NPIPB4: variants seen among roughly 807,000 people sequenced by gnomAD.
The protein encoded by NPIPB4 is nuclear pore complex interacting protein family member B4.
For synonymous variants in NPIPB4, 31 were observed against 194.1 expected (o/e 0.16, Z 6.99); for missense variants, 105 against 513.7 (o/e 0.20, Z 7.69).
intron 2 of NPIPB4, among the ~76,000 whole-genome samples, chr16:21,852,384 TTG>T (rs1902613288): frequency 2.4e-5 from 1 of 41,910 alleles, no homozygotes; most frequent in East Asian, 5.9e-4. Flanking sequence ...TGGCACAAGG[TTG>T]TGTGATCTCA....
rs1200016750 is a variant in NPIPB4, at chr16:21,835,886, C to G, written c.2501G>C (p.Arg834Pro). 3 of 1,030,426 alleles carry G rather than the reference C, an allele frequency of 2.9e-6. No homozygotes were observed. Among genetic ancestry groups the G allele is most frequent in the East Asian group, 3.0e-5 (1 of 33,442 alleles). The allele number at this position is 1,030,426 out of a possible 1,614,324, so 63.8% of individuals were successfully genotyped here. Residue 834 changes from arginine to proline, a missense_variant, in exon 8 of 8, where the codon CGG (arginine) becomes CCG (proline). Physicochemically the swap from Arg to Pro is moderately radical, Grantham distance 103. Transcript: ENST00000682606. ...HLPSVCGERL[R>P]GPLPPSADDN... is the part of the protein sequence containing the mutation. ...ATCCGCTGAGGGTGGAAGCGGCCCCCGCAGACGCTCCCCGCAGACGCTCGG... is the reference window on the plus strand; with the variant it reads ...ATCCGCTGAGGGTGGAAGCGGCCCCGGCAGACGCTCCCCGCAGACGCTCGG...
At chr16:21,850,503 G>C (rs897094841) in intron 2 of NPIPB4, among the ~76,000 whole-genome samples, 1 of 151,788 alleles carries the variant, frequency 6.6e-6, no homozygotes, top group African/African-American at 2.4e-5. Flanking sequence ...ACAAAAATTA[G>C]CCAGGCGTGG....
chr16:21,841,916 G>A lies in NPIPB4; in HGVS notation c.545+1470C>T, dbSNP rs372067253. Among the ~76,000 whole-genome samples the A allele has an allele frequency of 6.6e-5, 10 of 150,718 alleles. No homozygotes were observed. The South Asian group carries it at 1.1e-3, about 17-fold the overall frequency. ...ATGAAAGCGACCCATACTGAAGTCCGCTGGCTCTGGTTGAGACCCAGAAGA... is the reference window on the plus strand; with the variant it reads ...ATGAAAGCGACCCATACTGAAGTCCACTGGCTCTGGTTGAGACCCAGAAGA... On this transcript the variant is annotated intron_variant, in intron 5 of 7. Coordinates refer to ENST00000682606, the MANE Select transcript of NPIPB4 (RefSeq NM_001384980.1).
intron 2 of NPIPB4, among the ~76,000 whole-genome samples, chr16:21,848,187 G>GC (rs1902233689): frequency 7.1e-6 from 1 of 141,462 alleles, no homozygotes; most frequent in Non-Finnish European, 1.5e-5. Flanking sequence ...ACCGTGCCCA[G>GC]CCATTTTTTT....
Position 21,850,036 on chromosome 16 carries a change from C to T in NPIPB4, c.121-2495G>A, listed in dbSNP as rs1369321142. On this transcript the variant is annotated intron_variant, in intron 2 of 7. Coordinates refer to ENST00000682606, the MANE Select transcript of NPIPB4 (RefSeq NM_001384980.1). Reference sequence around the variant, plus strand: ...CAACGCTTTGGGAGGCCGAGGCGGGCGGATCACCTGAGGTCGGGAGTTCAA... The same window carrying T: ...CAACGCTTTGGGAGGCCGAGGCGGGTGGATCACCTGAGGTCGGGAGTTCAA... Among the ~76,000 whole-genome samples the T allele has an allele frequency of 1.0e-4, 7 of 67,826 alleles. No individual in the cohort carries two copies. The East Asian group carries it at 1.4e-3, about 14-fold the overall frequency. The allele number at this position is 67,826 out of a possible 152,430, so 44.5% of individuals were successfully genotyped here. A position where few individuals can be genotyped will look rare whatever the true frequency, so the allele number is the denominator to read the frequency against.
At chr16:21,841,976 C>T (rs1901832703) in intron 5 of NPIPB4, among the ~76,000 whole-genome samples, 1 of 151,632 alleles carries the variant, frequency 6.6e-6, no homozygotes. Flanking sequence ...CAGGAAATAC[C>T]CTGGCCTTTG....
chr16:21,835,901 C>G lies in NPIPB4; in HGVS notation c.2486G>C (p.Cys829Ser). The change falls in exon 8 of 8, where the codon TGC becomes TCC. Residue 829 changes from cysteine (C) to serine (S), a missense_variant. Coordinates refer to ENST00000682606, the MANE Select transcript of NPIPB4 (RefSeq NM_001384980.1). ...MIISRHLPSV[C>S]GERLRGPLPP... is the part of the protein sequence containing the mutation. ...AAGCGGCCCCCGCAGACGCTCCCCG[C>G]AGACGCTCGGCAGGTGTCTTGATAT... is the stretch of plus-strand genomic sequence containing the variant. 1 of 1,249,240 alleles carries G rather than the reference C, an allele frequency of 8.0e-7. No individual in the cohort carries two copies. The highest frequency in any genetic ancestry group is 1.0e-6 in the Non-Finnish European group (1 of 952,528). The allele number at this position is 1,249,240 out of a possible 1,614,324, so 77.4% of individuals were successfully genotyped here.
Position 21,845,942 on chromosome 16 carries a change from G to A in NPIPB4, c.249+1471C>T, listed in dbSNP as rs1313675993. Among the ~76,000 whole-genome samples, 4 of 139,660 alleles carry A rather than the reference G, an allele frequency of 2.9e-5. 1 individual carries two copies. The highest frequency in any genetic ancestry group is 6.1e-5 in the Non-Finnish European group (4 of 65,774). 91.6% of individuals were successfully genotyped at this position (139,660 alleles called of 152,430 possible). ...TGTAATCCCAGCACTTTGGGAGGCTGAGGTTGGTGGATCATTTGAGGTCGG... is the reference window on the plus strand; with the variant it reads ...TGTAATCCCAGCACTTTGGGAGGCTAAGGTTGGTGGATCATTTGAGGTCGG... On this transcript the variant is annotated intron_variant, in intron 3 of 7. Coordinates refer to ENST00000682606, the MANE Select transcript of NPIPB4 (RefSeq NM_001384980.1).
rs1305760188 is a variant in NPIPB4 at position 21,835,921 on chromosome 16, T to G, written c.2466A>C (p.Ser822=). ...CCCCGCAGACGCTCGGCAGGTGTCTTGATATTATCATCTGCTGAGGGTGGA... is the reference window on the plus strand; with the variant it reads ...CCCCGCAGACGCTCGGCAGGTGTCTGGATATTATCATCTGCTGAGGGTGGA... The part of the protein sequence containing the change: ...TQLHPQQMII[S]RHLPSVCGER... The change falls in exon 8 of 8, where the codon TCA becomes TCC. Residue 822 remains serine, a synonymous_variant. Coordinates refer to ENST00000682606, the MANE Select transcript of NPIPB4 (RefSeq NM_001384980.1). The G allele has an allele frequency of 8.3e-7, 1 of 1,205,298 alleles. No individual in the cohort carries two copies. The highest frequency in any genetic ancestry group is 1.3e-5 in the South Asian group (1 of 74,490). The allele number at this position is 1,205,298 out of a possible 1,614,324, so 74.7% of individuals were successfully genotyped here. A position where few individuals can be genotyped will look rare whatever the true frequency, so the allele number is the denominator to read the frequency against.
At chr16:21,842,205 CTG>C (rs1256392153) in intron 5 of NPIPB4, among the ~76,000 whole-genome samples, 1 of 105,604 alleles carries the variant, frequency 9.5e-6, no homozygotes, top group Admixed American at 1.0e-4. Context: ...ACATGAAAGA[CTG>C]TGAAAATGAA....
chr16:21,850,758 TAAAAAC>T (rs1902458582), intron 2 of NPIPB4, among the ~76,000 whole-genome samples: 3 of 83,258 alleles, frequency 3.6e-5, no homozygotes, highest in Non-Finnish European at 6.8e-5. Context: ...TTTTCTTTGT[TAAAAAC>T]AAGAGTGCAG....
chr16:21,847,730 AGT>A (rs1902190583), intron 2 of NPIPB4, among the ~76,000 whole-genome samples, 189 bp from the exon 3 acceptor site: 1 of 66,860 alleles, frequency 1.5e-5, no homozygotes, highest in Non-Finnish European at 3.1e-5. Context: ...GATGGCTGGT[AGT>A]GTTTTCAGGC....
chr16:21,836,556 G>T lies in NPIPB4; in HGVS notation c.1831C>A (p.Pro611Thr). ...TTGATGTTATCATCTGCTGAGGGTG[G>T]AGCTGAGGGTGGAAGGGGAGTGAGC... ...RQLTPLPPSAPPSADDNIKTP... is the reference protein window; with the variant it reads ...RQLTPLPPSATPSADDNIKTP... Residue 611 changes from proline to threonine, a missense_variant, in exon 8 of 8, where the codon CCA becomes ACA. Transcript: ENST00000682606. The T allele has an allele frequency of 6.9e-7, 1 of 1,455,842 alleles. No homozygotes were observed. Among genetic ancestry groups the T allele is most frequent in the Non-Finnish European group, 9.1e-7 (1 of 1,101,574 alleles). 90.2% of individuals were successfully genotyped at this position (1,455,842 alleles called of 1,614,324 possible).
intron 2 of NPIPB4, among the ~76,000 whole-genome samples, chr16:21,853,669 CGGTTGTGGT>C (rs1902647252): frequency 1.5e-5 from 1 of 65,864 alleles, no homozygotes; most frequent in Non-Finnish European, 2.6e-5. Context: ...CCCTAGATTT[CGGTTGTGGT>C]GGTTGTAAAA....
intron 2 of NPIPB4, among the ~76,000 whole-genome samples, chr16:21,850,015 G>A (rs1252875327): frequency 3.7e-5 from 2 of 53,772 alleles, no homozygotes; most frequent in African/African-American, 1.1e-4. Context: ...TAATCCCAAC[G>A]CTTTGGGAGG....
At chr16:21,849,493 A>AAAAAAAAAT (rs1902305805) in intron 2 of NPIPB4, among the ~76,000 whole-genome samples, 3 of 78,824 alleles carry the variant, frequency 3.8e-5, no homozygotes, top group Non-Finnish European at 5.7e-5. Context: ...AAAAAAAAAA[A>AAAAAAAAAT]TTATCAAGGT....
chr16:21,850,475 C>G (rs1367752449), intron 2 of NPIPB4, among the ~76,000 whole-genome samples: 1 of 152,106 alleles, frequency 6.6e-6, no homozygotes, highest in African/African-American at 2.4e-5. Flanking sequence ...ATGGTGAAAC[C>G]CCATCTCTAC....
chr16:21,847,893 CT>C (rs1374095202), intron 2 of NPIPB4, among the ~76,000 whole-genome samples: 71 of 16,682 alleles, frequency 4.3e-3, no homozygotes, highest in African/African-American at 0.013. Flanking sequence ...AAAAAAACCT[CT>C]TTTTTTTTTT....
chr16:21,843,473 AC>A lies in NPIPB4; in HGVS notation c.457del (p.Val153LeufsTer10). On this transcript the variant is annotated frameshift_variant, in exon 5 of 8. Transcript: ENST00000682606. LOFTEE classifies it high-confidence loss of function. The stretch of plus-strand genomic sequence containing the variant: ...CTTCCTCTTACGGATTTTAGCTCTA[AC>A]TTTTGTTTCCACATGTCTCCGTAGA... ...ITLRRHVETK[V>X]RAKIRKRKVT... 1 of 1,597,046 alleles carries A rather than the reference AC, an allele frequency of 6.3e-7. No homozygotes were observed. The highest frequency in any genetic ancestry group is 8.5e-7 in the Non-Finnish European group (1 of 1,179,648).
Sources: gnomAD v4.1 joint callset for allele counts (sites outside exome capture counted in the v4.1 genomes callset) on GRCh38, gnomAD v4.1.1 for gene constraint, MANE v1.5 for transcripts, NCBI Gene and HGNC (gene_info 2026-07-23, HGNC 2026-07-21) for gene names.